The following SYT16 variants were observed in gnomAD, a reference collection of about 807,000 sequenced individuals.
SYT16 encodes synaptotagmin-16.
SYT16 carries 42 observed loss-of-function variants against 61.4 expected under a neutral mutation model. The observed-to-expected ratio is 0.68, with a 90% CI of 0.53 to 0.89. SYT16 has a LOEUF of 0.89. SYT16 is among the 40% of genes least tolerant of loss of function. The pLI, the probability that SYT16 is intolerant of heterozygous loss-of-function variation, is 0.00. For missense variants in SYT16, 804 were observed against 807.3 expected (o/e 1.00, Z 0.05); for synonymous variants, 314 against 302.3 (o/e 1.04, Z -0.40).
At chr14:62,011,872 T>TACACAC (rs1233473446) in intron 3 of SYT16, among the ~76,000 whole-genome samples, 1,633 of 135,902 alleles carry the variant, frequency 0.012, 23 homozygotes, top group South Asian at 0.02. Context: ...GAACACTATA[T>TACACAC]ATACACACAC....
chr14:62,043,830 G>C (rs548619746), intron 3 of SYT16, among the ~76,000 whole-genome samples: 3 of 151,954 alleles, frequency 2.0e-5, no homozygotes, highest in African/African-American at 7.3e-5. Flanking sequence ...AAACTTCTTT[G>C]CATGACTGCT....
rs919159990 is a variant in SYT16 at position 62,103,879 on chromosome 14, A to G, written c.*3172A>G. ...CGCTTTAGGCACTATTAATTCTGAC[A>G]TCCTTCATTGAAAATTAACTGACAT... is the stretch of plus-strand genomic sequence containing the variant. On this transcript the variant is annotated 3_prime_UTR_variant, in exon 8 of 8. Transcript: ENST00000683842. 8 of 152,224 alleles carry G rather than the reference A, an allele frequency of 5.3e-5. 1 individual carries two copies. Among genetic ancestry groups the G allele is most frequent in the Admixed American group, 5.2e-4 (8 of 15,282 alleles). 9.4% of individuals were successfully genotyped at this position (152,224 alleles called of 1,614,324 possible).
chr14:62,084,386 G>T lies in SYT16; in HGVS notation c.1624+1G>T. The T allele has an allele frequency of 6.2e-7, 1 of 1,611,088 alleles. No individual in the cohort carries two copies. The highest frequency in any genetic ancestry group is 8.5e-7 in the Non-Finnish European group (1 of 1,179,398). The stretch of plus-strand genomic sequence containing the variant: ...AACCTCGCTGTTAACCGAGCACCTG[G>T]TAAGTGTGAGTCTGTTCTCCCAGCT... On this transcript the variant is annotated splice_donor_variant, in intron 7 of 7. Coordinates refer to ENST00000683842, the MANE Select transcript of SYT16 (RefSeq NM_001367656.1). LOFTEE classifies it high-confidence loss of function.
chr14:61,945,209 G>GGTGA (rs1287303796), intron 1 of SYT16, among the ~76,000 whole-genome samples: 5 of 152,282 alleles, frequency 3.3e-5, no homozygotes, highest in African/African-American at 1.2e-4. Context: ...CAGTTAGAAT[G>GGTGA]GTGATTATTA....
At chr14:61,869,108 G>A (rs944339531) in intron 1 of SYT16, among the ~76,000 whole-genome samples, 1 of 151,940 alleles carries the variant, frequency 6.6e-6, no homozygotes, top group Non-Finnish European at 1.5e-5. Context: ...ATTTCGGTTA[G>A]TTTTAGTGTG....
chr14:62,024,644 A>G (rs2054033315), intron 3 of SYT16, among the ~76,000 whole-genome samples: 1 of 152,022 alleles, frequency 6.6e-6, no homozygotes, highest in South Asian at 2.1e-4. Flanking sequence ...ATTATCACCC[A>G]AAGTCTAGAG....
At chr14:61,817,354 G>A (rs1171730440) in intron 1 of SYT16, among the ~76,000 whole-genome samples, 1 of 150,556 alleles carries the variant, frequency 6.6e-6, no homozygotes, top group African/African-American at 2.5e-5. Context: ...GAAGGTAGAG[G>A]TTGCAGTGAG....
chr14:62,095,391 G>T (rs2057236313), intron 7 of SYT16, among the ~76,000 whole-genome samples: 1 of 151,876 alleles, frequency 6.6e-6, no homozygotes, highest in African/African-American at 2.4e-5. Flanking sequence ...CAACATTAAA[G>T]ATAAATGAAA....
chr14:62,070,889 G>C (rs1014904940), intron 4 of SYT16, among the ~76,000 whole-genome samples: 1 of 152,130 alleles, frequency 6.6e-6, no homozygotes, highest in Admixed American at 6.5e-5. Flanking sequence ...AGATAAAAAG[G>C]AGGGTGCAGA....
chr14:62,110,871 G>A lies in SYT16; in HGVS notation c.*10164G>A, dbSNP rs1334948959. Reference sequence around the variant, plus strand: ...GAAAAATTCTTCCCCTGCCAAAAAAGGTCCTTCAATCTCCTTTATTATTTT... The same window carrying A: ...GAAAAATTCTTCCCCTGCCAAAAAAAGTCCTTCAATCTCCTTTATTATTTT... On this transcript the variant is annotated 3_prime_UTR_variant, in exon 8 of 8. Coordinates refer to ENST00000683842, the MANE Select transcript of SYT16 (RefSeq NM_001367656.1). 6.6e-6 allele frequency: 1 copy of A among 151,816 alleles called. No individual in the cohort carries two copies. Among genetic ancestry groups the A allele is most frequent in the African/African-American group, 2.4e-5 (1 of 41,372 alleles). The allele number at this position is 151,816 out of a possible 1,614,324, so 9.4% of individuals were successfully genotyped here. A position where few individuals can be genotyped will look rare whatever the true frequency, so the allele number is the denominator to read the frequency against.
intron 1 of SYT16, among the ~76,000 whole-genome samples, chr14:61,882,406 G>A (rs1435256368): frequency 1.3e-5 from 2 of 152,160 alleles, no homozygotes; most frequent in Non-Finnish European, 1.5e-5. Context: ...ATGCAAGCAG[G>A]AGAAATGCCA....
intron 6 of SYT16, 66 bp from the exon 7 acceptor site, chr14:62,084,130 C>T (rs558227231): frequency 1.2e-4 from 180 of 1,531,976 alleles, no homozygotes; most frequent in African/African-American, 3.7e-4. Context: ...AACATAATAT[C>T]GGCTTTCTCT....
At chr14:62,046,645 G>T (rs968644978) in intron 3 of SYT16, among the ~76,000 whole-genome samples, 13 of 152,296 alleles carry the variant, frequency 8.5e-5, no homozygotes, top group Admixed American at 7.8e-4. Context: ...GTGTAAGGAA[G>T]GGATCCAGTT....
intron 3 of SYT16, among the ~76,000 whole-genome samples, chr14:62,042,887 T>C (rs948336155): frequency 2.6e-5 from 4 of 152,198 alleles, no homozygotes; most frequent in African/African-American, 9.6e-5. Flanking sequence ...TGGACAATCA[T>C]AGGACTTACC....
rs933342428 is a variant in SYT16 at position 62,110,475 on chromosome 14, A to G, written c.*9768A>G. 1 of 152,066 alleles carries G rather than the reference A, an allele frequency of 6.6e-6. No homozygotes were observed. Among genetic ancestry groups the G allele is most frequent in the Non-Finnish European group, 1.5e-5 (1 of 67,958 alleles). 9.4% of individuals were successfully genotyped at this position (152,066 alleles called of 1,614,324 possible). ...TTGCAATGTTTTTGAAGACTACAGGATAGTTTGTGATTTTTATATTAAGGT... is the reference window on the plus strand; with the variant it reads ...TTGCAATGTTTTTGAAGACTACAGGGTAGTTTGTGATTTTTATATTAAGGT... On this transcript the variant is annotated 3_prime_UTR_variant, in exon 8 of 8. Transcript: ENST00000683842.
chr14:62,100,861 G>C lies in SYT16; in HGVS notation c.*154G>C. ...AGTGGGAGTTTTGGGTTTCTCAATG[G>C]TCTGATTTGGATTTAAATATTGTAA... On this transcript the variant is annotated 3_prime_UTR_variant, in exon 8 of 8. Coordinates refer to ENST00000683842, the MANE Select transcript of SYT16 (RefSeq NM_001367656.1). 1.4e-6 allele frequency: 1 copy of C among 699,738 alleles called. No individual in the cohort carries two copies. Among genetic ancestry groups the C allele is most frequent in the Admixed American group, 3.0e-5 (1 of 33,540 alleles). The allele number at this position is 699,738 out of a possible 1,614,324, so 43.3% of individuals were successfully genotyped here.
chr14:62,033,131 T>C (rs1044935221), intron 3 of SYT16, among the ~76,000 whole-genome samples: 1 of 152,054 alleles, frequency 6.6e-6, no homozygotes, highest in Non-Finnish European at 1.5e-5. Flanking sequence ...TGGCTAAATA[T>C]TGTATTTGAT....
At chr14:62,025,330 G>A (rs1407787607) in intron 3 of SYT16, among the ~76,000 whole-genome samples, 1 of 151,998 alleles carries the variant, frequency 6.6e-6, no homozygotes, top group Non-Finnish European at 1.5e-5. Flanking sequence ...GTTTTAATTT[G>A]TAGCCCCTGA....
chr14:61,932,931 G>A (rs968132839), intron 1 of SYT16, among the ~76,000 whole-genome samples: 1 of 152,196 alleles, frequency 6.6e-6, no homozygotes. Flanking sequence ...CAGTATAGTT[G>A]TGACATGGTC....
Sources: allele counts gnomAD v4.1 joint callset (sites outside exome capture counted in the v4.1 genomes callset), GRCh38; gene constraint gnomAD v4.1.1; transcripts MANE v1.5; gene names NCBI Gene and HGNC (gene_info 2026-07-23, HGNC 2026-07-21).